SMARCAL1: variants seen among roughly 807,000 people sequenced by gnomAD.
SMARCAL1 encodes the protein SNF2 related chromatin remodeling annealing helicase 1, also known as ATP-driven annealing helicase.
Under a neutral mutation model 94.5 loss-of-function variants are expected in SMARCAL1, and 58 were observed. The ratio of observed to expected loss-of-function variants is 0.61; its 90% confidence interval spans 0.50 to 0.76. The LOEUF is 0.76. Among genes scored for constraint, SMARCAL1 ranks in the 30% least tolerant of loss-of-function variants. SMARCAL1 has a pLI of 0.00. For synonymous variants in SMARCAL1, 422 were observed against 455.1 expected (o/e 0.93, Z 0.93); for missense variants, 1,051 against 1,177.9 (o/e 0.89, Z 1.58).
intron 13 of SMARCAL1, among the ~76,000 whole-genome samples, chr2:216,467,555 C>G (rs1352509709): frequency 6.8e-6 from 1 of 147,874 alleles, no homozygotes; most frequent in East Asian, 2.0e-4. Context: ...GGAGGCCAAA[C>G]AAATGAGAAC....
At chr2:216,465,053 GGGAGGATTGCTTGGGAGGGAGGAC>G (rs1368343811) in intron 13 of SMARCAL1, among the ~76,000 whole-genome samples, 1 of 152,158 alleles carries the variant, frequency 6.6e-6, no homozygotes, top group African/African-American at 2.4e-5. Context: ...AGGCTGAGGA[GGGAGGATTGCTTGGGAGGGAGGAC>G]GGTCGAGGCT....
intron 13 of SMARCAL1, 55 bp downstream of exon 13, chr2:216,464,722 A>T: frequency 8.2e-7 from 1 of 1,213,688 alleles, no homozygotes; most frequent in East Asian, 2.3e-5. Flanking sequence ...AAAAAAAAAA[A>T]ACAACTTATT....
intron 12 of SMARCAL1, among the ~76,000 whole-genome samples, chr2:216,458,089 A>G (rs1344485982): frequency 2.0e-5 from 3 of 152,232 alleles, no homozygotes; most frequent in Non-Finnish European, 4.4e-5. Flanking sequence ...TCTAGAAGAA[A>G]TGGATAAATT....
Position 216,457,547 on chromosome 2 carries a change from T to C in SMARCAL1, c.2070+6483T>C, listed in dbSNP as rs562624223. Among the ~76,000 whole-genome samples the C allele has an allele frequency of 3.3e-5, 5 of 152,234 alleles. No individual in the cohort carries two copies. In the South Asian group the frequency reaches 1.0e-3, roughly 32 times the overall value. On this transcript the variant is annotated intron_variant, in intron 12 of 17. Coordinates refer to ENST00000357276, the MANE Select transcript of SMARCAL1 (RefSeq NM_014140.4). ...GATTAAGAAACTCACTCAAAACTGC[T>C]CAACTACATGGAAACTGAACAACCT... is the stretch of plus-strand genomic sequence containing the variant.
At chr2:216,428,328 T>A (rs1417621044) in intron 6 of SMARCAL1, among the ~76,000 whole-genome samples, 1 of 152,210 alleles carries the variant, frequency 6.6e-6, no homozygotes, top group Non-Finnish European at 1.5e-5. Context: ...TTTCCCCTCT[T>A]TTTTGAAGTT....
At chr2:216,419,770 C>T (rs1693673860) in intron 4 of SMARCAL1, among the ~76,000 whole-genome samples, 1 of 151,990 alleles carries the variant, frequency 6.6e-6, no homozygotes, top group African/African-American at 2.4e-5. Flanking sequence ...TGCCTGATGC[C>T]TGTAATACCA....
At chr2:216,442,087 T>C (rs1286374757) in intron 10 of SMARCAL1, among the ~76,000 whole-genome samples, 1 of 152,136 alleles carries the variant, frequency 6.6e-6, no homozygotes, top group African/African-American at 2.4e-5. Flanking sequence ...TTTTTTTCTT[T>C]TTCCTTTGTT....
chr2:216,478,057 G>C, intron 16 of SMARCAL1, 146 bp from the exon 17 acceptor site: 1 of 754,238 alleles, frequency 1.3e-6, no homozygotes, highest in Non-Finnish European at 2.4e-6. Context: ...AATTTTTCAA[G>C]ATGGGTGTTT....
chr2:216,420,928 A>G (rs1423844183), intron 5 of SMARCAL1, among the ~76,000 whole-genome samples: 1 of 152,192 alleles, frequency 6.6e-6, no homozygotes, highest in Non-Finnish European at 1.5e-5. Flanking sequence ...GCCTGCAGGG[A>G]ACTGCCTGCA....
intron 12 of SMARCAL1, among the ~76,000 whole-genome samples, chr2:216,458,787 C>T (rs534445622): frequency 6.6e-6 from 1 of 152,280 alleles, no homozygotes; most frequent in South Asian, 2.1e-4. Context: ...CAGGGATGCC[C>T]TCTCTCACCA....
At chr2:216,443,244 A>G (rs1206250126) in intron 10 of SMARCAL1, among the ~76,000 whole-genome samples, 1 of 151,826 alleles carries the variant, frequency 6.6e-6, no homozygotes, top group South Asian at 2.1e-4. Flanking sequence ...GTCTGCGCCT[A>G]TAATCCCAGC....
At chr2:216,424,741 G>C (rs979131013) in intron 6 of SMARCAL1, among the ~76,000 whole-genome samples, 6 of 152,326 alleles carry the variant, frequency 3.9e-5, no homozygotes, top group Admixed American at 3.3e-4. Context: ...TAAATATAAA[G>C]GAAGAGCCTT....
At chr2:216,419,109 G>A (rs1693661003) in intron 4 of SMARCAL1, among the ~76,000 whole-genome samples, 1 of 152,172 alleles carries the variant, frequency 6.6e-6, no homozygotes, top group Admixed American at 6.5e-5. Context: ...ATTTTCAACT[G>A]GTAGTTGGGA....
intron 12 of SMARCAL1, among the ~76,000 whole-genome samples, chr2:216,453,366 A>C (rs1012142547): frequency 6.6e-6 from 1 of 152,242 alleles, no homozygotes; most frequent in African/African-American, 2.4e-5. Flanking sequence ...TAAGAACTTG[A>C]TGCCTTTTTG....
chr2:216,450,793 G>A (rs2106054933), intron 11 of SMARCAL1, 53 bp from the exon 12 acceptor site: 2 of 1,460,702 alleles, frequency 1.4e-6, no homozygotes, highest in Non-Finnish European at 1.9e-6. Flanking sequence ...AGTCCCTGTT[G>A]GACTGGGCCT....
chr2:216,464,102 T>C (rs1694775137), intron 12 of SMARCAL1, among the ~76,000 whole-genome samples: 1 of 152,134 alleles, frequency 6.6e-6, no homozygotes, highest in Non-Finnish European at 1.5e-5. Context: ...TCAGGGTCCA[T>C]TGGAATTGAT....
intron 13 of SMARCAL1, among the ~76,000 whole-genome samples, chr2:216,467,456 G>C (rs1261072990): frequency 7.3e-6 from 1 of 136,434 alleles, no homozygotes; most frequent in Non-Finnish European, 1.5e-5. Context: ...GGGCGACAGA[G>C]CGAAACTCAG....
intron 15 of SMARCAL1, among the ~76,000 whole-genome samples, chr2:216,476,624 A>G (rs948515929): frequency 6.6e-5 from 10 of 152,192 alleles, no homozygotes; most frequent in Admixed American, 1.3e-4. Flanking sequence ...TTAAGTATTT[A>G]TTATAAGGCT....
chr2:216,450,912 G>C lies in SMARCAL1; in HGVS notation c.1918G>C (p.Ala640Pro). ...AGAGCTGAAGCTCCTGCTGGAGGAA[G>C]CAGTCATGCTGCGGCGCCTCAAGTC... The part of the protein sequence containing the change: ...LGELKLLLEE[A>P]VMLRRLKSDV... The change falls in exon 12 of 18, where the codon GCA becomes CCA. Residue 640 changes from alanine (A) to proline (P), a missense_variant. Ala to Pro is a conservative substitution (Grantham distance 27). Transcript: ENST00000357276. 1 of 1,614,230 alleles carries C rather than the reference G, an allele frequency of 6.2e-7. No homozygotes were observed. Among genetic ancestry groups the C allele is most frequent in the Non-Finnish European group, 8.5e-7 (1 of 1,180,038 alleles).
Sources: gnomAD v4.1 joint callset for allele counts (sites outside exome capture counted in the v4.1 genomes callset) on GRCh38, gnomAD v4.1.1 for gene constraint, MANE v1.5 for transcripts, NCBI Gene and HGNC (gene_info 2026-07-23, HGNC 2026-07-21) for gene names.